Variants in IGDCC4 observed in about 807,000 individuals in gnomAD.
IGDCC4 encodes the protein immunoglobulin superfamily DCC subclass member 4.
IGDCC4 carries 72 observed loss-of-function variants against 116.6 expected under a neutral mutation model. The ratio of observed to expected loss-of-function variants is 0.62; its 90% confidence interval spans 0.51 to 0.75. The LOEUF is 0.75. Among genes scored for constraint, IGDCC4 ranks in the 30% least tolerant of loss-of-function variants. The probability of loss-of-function intolerance (pLI) is 0.00; values close to 1 mark genes in which losing one functional copy is unlikely to be tolerated. For missense variants in IGDCC4, 1,501 were observed against 1,662.4 expected, an observed-to-expected ratio of 0.90 and a Z score of 1.69; for synonymous variants, 709 against 719.9, an observed-to-expected ratio of 0.98 and a Z score of 0.24.
In IGDCC4 at chr15:65,422,519, A is replaced by AACACACACACACACAC. The variant is rs140587709; in HGVS notation, c.70+258_70+273dup. Among the ~76,000 whole-genome samples, 145 of 131,316 alleles carry AACACACACACACACAC rather than the reference A, an allele frequency of 1.1e-3. 1 individual carries two copies. Among genetic ancestry groups the AACACACACACACACAC allele is most frequent in the South Asian group, 5.1e-3 (19 of 3,716 alleles). 86.1% of individuals were successfully genotyped at this position (131,316 alleles called of 152,430 possible). On this transcript the variant is annotated intron_variant, in intron 1 of 19. Coordinates refer to ENST00000352385, the MANE Select transcript of IGDCC4 (RefSeq NM_020962.3). The stretch of plus-strand genomic sequence containing the variant: ...CTGCGGACACGACAGGAGCACTCCC[A>AACACACACACACACAC]ACACACACACACACACACACACACA...
In IGDCC4 at chr15:65,384,990, C is replaced by T; in HGVS notation, c.3306G>A (p.Thr1102=). The T allele has an allele frequency of 6.2e-7, 1 of 1,611,258 alleles. No individual in the cohort carries two copies. The highest frequency in any genetic ancestry group is 1.1e-5 in the South Asian group (1 of 90,940). The part of the protein sequence containing the change: ...ALLPPAGTGQ[T]LLLQALVYDA... ...CGTACACCAGAGCCTGCAGCAACAG[C>T]GTCTGCCCAGTTCCAGCAGGGGGCA... Residue 1102 remains threonine (T), a synonymous_variant, in exon 19 of 20, where the codon ACG becomes ACA. Transcript: ENST00000352385. The surrounding 1 kb of genome is among the most constrained non-coding windows in gnomAD (Gnocchi z 4.9).
At position 65,418,099 on chromosome 15, in the gene IGDCC4, A is replaced by C. The variant is rs184716467; in HGVS notation, c.70+4694T>G. On this transcript the variant is annotated intron_variant, in intron 1 of 19. Coordinates refer to ENST00000352385, the MANE Select transcript of IGDCC4 (RefSeq NM_020962.3). ...TAGAGCCCCCTATGCTTTTCCAAGC[A>C]TCAGTTTCCTTATCTGTAAAAACAA... Among the ~76,000 whole-genome samples the C allele has an allele frequency of 2.2e-3, 336 of 152,348 alleles. 7 individuals carry two copies. Among genetic ancestry groups the C allele is most frequent in the Non-Finnish European group, 2.9e-4 (20 of 68,036 alleles).
intron 6 of IGDCC4, 143 bp downstream of exon 6, chr15:65,396,691 C>T (rs1231600892): frequency 9.4e-7 from 1 of 1,067,778 alleles, no homozygotes; most frequent in African/African-American, 1.6e-5. Context: ...CGTCCCACCT[C>T]CGCCTTACTA....
At position 65,395,977 on chromosome 15, in the gene IGDCC4, A is replaced by G; in HGVS notation, c.1184T>C (p.Ile395Thr). 6.3e-7 allele frequency: 1 copy of G among 1,578,576 alleles called. No individual in the cohort carries two copies. The highest frequency in any genetic ancestry group is 8.5e-7 in the Non-Finnish European group (1 of 1,170,454). Reference sequence around the variant, plus strand: ...GTAGTAGCCGGCGTCCTGCAGGCCGATCTGTGTGATGACCAGGCTGCCACC... The same window carrying G: ...GTAGTAGCCGGCGTCCTGCAGGCCGGTCTGTGTGATGACCAGGCTGCCACC... ...GGGGSLVITQ[I>T]GLQDAGYYQC... The change falls in exon 7 of 20, where the codon ATC (isoleucine) becomes ACC (threonine). Residue 395 changes from isoleucine to threonine, a missense_variant. Ile to Thr is a moderately conservative substitution (Grantham distance 89). Around this residue, in one of 3 missense-constraint regions of IGDCC4, gnomAD observed 898 missense variants for 978.9 expected, o/e 0.92. Transcript: ENST00000352385.
chr15:65,385,561 G>A lies in IGDCC4; in HGVS notation c.3180+270C>T, dbSNP rs1257583984. ...CAGAGGTCTCCCCAGCTCCAGGGAT[G>A]AGGAGGGAGCTGGGTGTTCTGGCTA... On this transcript the variant is annotated intron_variant, in intron 18 of 19. Coordinates refer to ENST00000352385, the MANE Select transcript of IGDCC4 (RefSeq NM_020962.3). The A allele has an allele frequency of 2.2e-5, 13 of 583,270 alleles. No homozygotes were observed. In the East Asian group the frequency reaches 3.2e-4, roughly 15 times the overall value. The allele number at this position is 583,270 out of a possible 1,614,324, so 36.1% of individuals were successfully genotyped here.
chr15:65,391,806 A>T lies in IGDCC4; in HGVS notation c.2224+74T>A, dbSNP rs529965397. The T allele has an allele frequency of 1.4e-3, 1,959 of 1,380,330 alleles. 1 individual carries two copies. Among genetic ancestry groups the T allele is most frequent in the Non-Finnish European group, 1.8e-3 (1,765 of 981,460 alleles). 85.5% of individuals were successfully genotyped at this position (1,380,330 alleles called of 1,614,324 possible). On this transcript the variant is annotated intron_variant, in intron 12 of 19. Coordinates refer to ENST00000352385, the MANE Select transcript of IGDCC4 (RefSeq NM_020962.3). The stretch of plus-strand genomic sequence containing the variant: ...AGTACCTGCTCACCAGGCTGGCCCA[A>T]AGGAAAAGAAGAGGAAGCGGCTAGC...
rs765271808 is a variant in IGDCC4, at chr15:65,396,958, G to T, written c.873C>A (p.Val291=). 1.3e-6 allele frequency: 2 copies of T among 1,580,370 alleles called. No individual in the cohort carries two copies. Among genetic ancestry groups the T allele is most frequent in the South Asian group, 2.3e-5 (2 of 86,082 alleles). The stretch of plus-strand genomic sequence containing the variant: ...CAATTAGTAGGTTGGTGCGGCCCAG[G>T]ACGATGACATCTGTGGAGATGGGCT... The part of the protein sequence containing the change: ...DGKPISTDVI[V]LGRTNLLIAN... Residue 291 remains valine (V), a synonymous_variant, in exon 6 of 20, where the codon GTC becomes GTA. Coordinates refer to ENST00000352385, the MANE Select transcript of IGDCC4 (RefSeq NM_020962.3).
rs1425394257 is a variant in IGDCC4 at position 65,402,436 on chromosome 15, A to C, written c.615T>G (p.Ser205Arg). The change falls in exon 4 of 20, where the codon AGT becomes AGG. Residue 205 changes from serine (S) to arginine (R), a missense_variant. Ser to Arg is a moderately radical substitution (Grantham distance 110). Coordinates refer to ENST00000352385, the MANE Select transcript of IGDCC4 (RefSeq NM_020962.3). Reference protein sequence around the residue: ...GVLQILDVQESDAGPYRCVAT... With the variant: ...GVLQILDVQERDAGPYRCVAT... ...CCACGCAGCGGTAGGGGCCTGCATC[A>C]CTCTCCTGAACATCCAGGATCTGAA... The C allele has an allele frequency of 8.9e-6, 14 of 1,565,900 alleles. No homozygotes were observed. The highest frequency in any genetic ancestry group is 1.2e-5 in the Non-Finnish European group (14 of 1,154,702).
chr15:65,395,116 T>C lies in IGDCC4; in HGVS notation c.1554A>G (p.Ala518=). 1 of 1,613,492 alleles carries C rather than the reference T, an allele frequency of 6.2e-7. No individual in the cohort carries two copies. The highest frequency in any genetic ancestry group is 1.1e-5 in the South Asian group (1 of 91,038). ...QLGASRTSTP[A]LVHTLDDVPS... is the part of the protein sequence containing the mutation. The stretch of plus-strand genomic sequence containing the variant: ...TACCATCATCCAGTGTGTGCACCAG[T>C]GCTGGGGTGGAGGTGCGGCTGGCTC... The change falls in exon 8 of 20, where the codon GCA becomes GCG. Residue 518 remains alanine (A), a synonymous_variant. Coordinates refer to ENST00000352385, the MANE Select transcript of IGDCC4 (RefSeq NM_020962.3).
Position 65,393,287 on chromosome 15 carries a change from C to T in IGDCC4, c.1885+74G>A, listed in dbSNP as rs921931950. On this transcript the variant is annotated intron_variant, in intron 10 of 19. Coordinates refer to ENST00000352385, the MANE Select transcript of IGDCC4 (RefSeq NM_020962.3). The surrounding 1 kb of genome is among the most constrained non-coding windows in gnomAD (Gnocchi z 4.6). ...TGGAGGGCGGGGCCAGGGGGTGGGG[C>T]GCTGGGTCCCAAGGACACACGCACA... The T allele has an allele frequency of 2.1e-5, 30 of 1,449,330 alleles. No individual in the cohort carries two copies. The African/African-American group carries it at 2.6e-4, about 12-fold the overall frequency. The allele number at this position is 1,449,330 out of a possible 1,614,324, so 89.8% of individuals were successfully genotyped here.
chr15:65,413,695 T>C (rs2063118625), intron 1 of IGDCC4, among the ~76,000 whole-genome samples: 1 of 152,206 alleles, frequency 6.6e-6, no homozygotes, highest in Admixed American at 6.5e-5. Context: ...GACTCCTTAC[T>C]TTAAGGCAGA....
intron 5 of IGDCC4, among the ~76,000 whole-genome samples, chr15:65,399,447 C>CAAAAAAAAAAAAAAAAAAAAAAAAAAAA (rs112040935): frequency 1.4e-5 from 1 of 71,182 alleles, no homozygotes; most frequent in Non-Finnish European, 3.3e-5. Context: ...GGGTGACAGG[C>CAAAAAAAAAAAAAAAAAAAAAAAAAAAA]AAAAAAAAAA....
intron 1 of IGDCC4, among the ~76,000 whole-genome samples, chr15:65,416,119 T>C (rs1379327919): frequency 4.0e-5 from 6 of 149,382 alleles, no homozygotes; most frequent in Non-Finnish European, 7.4e-5. Flanking sequence ...GCTCGCTGAC[T>C]GCCTAAAATG....
In IGDCC4 at chr15:65,396,041, G is replaced by T; in HGVS notation, c.1120C>A (p.Pro374Thr). ...PALRWLHNGAPLRPNGRVKVQ... is the reference protein window; with the variant it reads ...PALRWLHNGATLRPNGRVKVQ... ...TTGACGCGCCCGTTGGGCCGCAGCG[G>T]CGCCCCGTTGTGCAGCCAGCGCAGC... The change falls in exon 7 of 20, where the codon CCG (proline) becomes ACG (threonine). Residue 374 changes from proline (P) to threonine (T), a missense_variant. Physicochemically the swap from Pro to Thr is conservative, Grantham distance 38. This residue lies in a region of IGDCC4 where 898 missense variants were observed against 978.9 expected (regional missense o/e 0.92). Coordinates refer to ENST00000352385, the MANE Select transcript of IGDCC4 (RefSeq NM_020962.3). The T allele has an allele frequency of 6.9e-7, 1 of 1,454,594 alleles. No individual in the cohort carries two copies. The highest frequency in any genetic ancestry group is 1.5e-5 in the African/African-American group (1 of 68,566). 90.1% of individuals were successfully genotyped at this position (1,454,594 alleles called of 1,614,324 possible). A position where few individuals can be genotyped will look rare whatever the true frequency, so the allele number is the denominator to read the frequency against.
At chr15:65,396,214 CTGCCCCCCCCCCAG>C in intron 6 of IGDCC4, 51 bp from the exon 7 acceptor site, 1 of 1,376,330 alleles carries the variant, frequency 7.3e-7, no homozygotes, top group Non-Finnish European at 9.3e-7. Context: ...ACTAAGGTCT[CTGCCCCCCCCCCAG>C]TACCCCAAGC....
chr15:65,407,289 GAA>G (rs34659004), intron 3 of IGDCC4, among the ~76,000 whole-genome samples: 32,180 of 138,910 alleles, frequency 0.23, 4,254 homozygotes, highest in East Asian at 0.7. Flanking sequence ...TTTTGTTTTT[GAA>G]AAAAAAAAAA....
At chr15:65,392,717 A>G (rs1305119902) in intron 10 of IGDCC4, among the ~76,000 whole-genome samples, 1 of 152,144 alleles carries the variant, frequency 6.6e-6, no homozygotes, top group African/African-American at 2.4e-5. Flanking sequence ...CTGAAGGATC[A>G]AACACTGGGG....
At chr15:65,396,389 A>T (rs1465597758) in intron 6 of IGDCC4, 3 of 653,880 alleles carry the variant, frequency 4.6e-6, no homozygotes, top group South Asian at 1.5e-5. Context: ...TTCTCTCCCA[A>T]AACTGTCCCC....
At chr15:65,392,448 C>G (rs2062877279) in intron 10 of IGDCC4, 78 bp from the exon 11 acceptor site, 1 of 1,133,018 alleles carries the variant, frequency 8.8e-7, no homozygotes. Context: ...GGATAGGAGA[C>G]AGGGAAGAGG....
Sources: allele counts gnomAD v4.1 joint callset (sites outside exome capture counted in the v4.1 genomes callset), GRCh38; gene constraint gnomAD v4.1.1; regional missense constraint gnomAD v4.1.1; non-coding constraint Gnocchi (gnomAD v3.1); transcripts MANE v1.5; gene names NCBI Gene and HGNC (gene_info 2026-07-23, HGNC 2026-07-21).